VAV2: variants seen among roughly 807,000 people sequenced by gnomAD.
VAV2 encodes vav guanine nucleotide exchange factor 2.
In VAV2, 67 loss-of-function variants were observed where a neutral mutation model predicts 132.5. The ratio of observed to expected loss-of-function variants is 0.51; its 90% CI spans 0.42 to 0.62. The LOEUF is 0.62. Among genes scored for constraint, VAV2 ranks in the 20% least tolerant of loss-of-function variants. The pLI, the probability that VAV2 is intolerant of heterozygous loss-of-function variation, is 0.00. For missense variants in VAV2, 938 were observed against 1,153.6 expected, an observed-to-expected ratio of 0.81 and a Z score of 2.71; for synonymous variants, 492 against 443.5, an observed-to-expected ratio of 1.11 and a Z score of -1.37.
At chr9:133,791,274 C>T (rs1196164228) in intron 13 of VAV2, among the ~76,000 whole-genome samples, 1 of 152,126 alleles carries the variant, frequency 6.6e-6, no homozygotes, top group African/African-American at 2.4e-5. Flanking sequence ...CTGGGGAGCC[C>T]CAGGAGGTGG....
At chr9:133,985,724 A>G (rs1484703689) in intron 1 of VAV2, among the ~76,000 whole-genome samples, 2 of 152,228 alleles carry the variant, frequency 1.3e-5, no homozygotes, top group African/African-American at 4.8e-5. Context: ...CCAGCCAGAA[A>G]GTCAGGCACG....
intron 27 of VAV2, 22 bp downstream of exon 27, chr9:133,770,356 G>A (rs771417403): frequency 6.2e-7 from 1 of 1,613,418 alleles, no homozygotes; most frequent in East Asian, 2.2e-5. Context: ...GTGCTGGTGT[G>A]CCGGCTGGGC....
chr9:133,770,599 G>T, intron 26 of VAV2, 98 bp from the exon 27 acceptor site: 1 of 1,542,200 alleles, frequency 6.5e-7, no homozygotes, highest in Non-Finnish European at 8.8e-7. Context: ...TTCATGTGGG[G>T]GAGACTAGCT....
chr9:133,835,308 T>C (rs552349842), intron 3 of VAV2, among the ~76,000 whole-genome samples: 2 of 150,882 alleles, frequency 1.3e-5, no homozygotes, highest in Admixed American at 1.3e-4. Context: ...GCCCCGAGTC[T>C]ACAGGCCTCC....
intron 2 of VAV2, among the ~76,000 whole-genome samples, chr9:133,895,867 T>A (rs546436728): frequency 6.6e-6 from 1 of 152,110 alleles, no homozygotes; most frequent in South Asian, 2.1e-4. Context: ...GGCAAAAAAC[T>A]GTCTTGTAAG....
chr9:133,946,911 G>A (rs894902160), intron 1 of VAV2, among the ~76,000 whole-genome samples: 8 of 152,138 alleles, frequency 5.3e-5, no homozygotes, highest in East Asian at 1.9e-4. Context: ...AGCTGACGCC[G>A]TTTGCTCCCT....
In VAV2 at chr9:133,969,465, C is replaced by A. The variant is rs963781698; in HGVS notation, c.204+22610G>T. Reference sequence around the variant, plus strand: ...AAGTCCAGCAAACCTGGACACCAACCAGCATCAGCACCACTGAGACAAGAA... The same window carrying A: ...AAGTCCAGCAAACCTGGACACCAACAAGCATCAGCACCACTGAGACAAGAA... On this transcript the variant is annotated intron_variant, in intron 1 of 29. Transcript: ENST00000371850. This position sits in a 1 kb window ranked among gnomAD's most constrained non-coding sequence, Gnocchi z 5.1. Among the ~76,000 whole-genome samples, 2 of 152,206 alleles carry A rather than the reference C, an allele frequency of 1.3e-5. No homozygotes were observed. The highest frequency in any genetic ancestry group is 3.4e-3 in the Middle Eastern group (1 of 294).
rs531579533 is a variant in VAV2 at position 133,802,298 on chromosome 9, G to A, written c.836+3783C>T. Among the ~76,000 whole-genome samples the A allele has an allele frequency of 6.8e-6, 1 of 147,616 alleles. No individual in the cohort carries two copies. Among genetic ancestry groups the A allele is most frequent in the African/African-American group, 2.5e-5 (1 of 39,674 alleles). On this transcript the variant is annotated intron_variant, in intron 9 of 29. Coordinates refer to ENST00000371850, the MANE Select transcript of VAV2 (RefSeq NM_001134398.2). The surrounding 1 kb of genome is among the most constrained non-coding windows in gnomAD (Gnocchi z 5.8). ...TATGCACACACACACACATGCATGT[G>A]CACACAAACACACAAGCACGCGTGT...
At chr9:133,867,079 C>T (rs1564418838) in intron 2 of VAV2, among the ~76,000 whole-genome samples, 1 of 152,132 alleles carries the variant, frequency 6.6e-6, no homozygotes, top group South Asian at 2.1e-4. Context: ...GAGGACACGC[C>T]CCTGCAGGGG....
chr9:133,974,751 C>T (rs932620997), intron 1 of VAV2, among the ~76,000 whole-genome samples: 15 of 125,400 alleles, frequency 1.2e-4, no homozygotes, highest in East Asian at 4.8e-4. Context: ...CAGTGCGCCG[C>T]GGACAGATAG....
chr9:133,803,347 C>T lies in VAV2; in HGVS notation c.836+2734G>A, dbSNP rs192505756. Among the ~76,000 whole-genome samples the T allele has an allele frequency of 5.2e-3, 789 of 152,298 alleles. 8 individuals are homozygous for T. Among genetic ancestry groups the T allele is most frequent in the African/African-American group, 0.018 (741 of 41,572 alleles). On this transcript the variant is annotated intron_variant, in intron 9 of 29. Coordinates refer to ENST00000371850, the MANE Select transcript of VAV2 (RefSeq NM_001134398.2). ...TGCAGGGCTGCCAGCTCCCCGAGGT[C>T]GTTCCCTTTCTAGCTCTCCTGCCCC...
At chr9:133,772,444 C>T (rs1333316982) in intron 25 of VAV2, among the ~76,000 whole-genome samples, 1 of 152,200 alleles carries the variant, frequency 6.6e-6, no homozygotes, top group Non-Finnish European at 1.5e-5. Flanking sequence ...ACTTGGCCGG[C>T]CAGGCCTCGG....
intron 2 of VAV2, among the ~76,000 whole-genome samples, chr9:133,880,127 G>A (rs1052580738): frequency 3.3e-5 from 5 of 151,214 alleles, no homozygotes; most frequent in East Asian, 1.9e-4. Flanking sequence ...ACCCACCTGC[G>A]CCGTCTGCAG....
chr9:133,974,766 C>CACCCTGCACCCA (rs1214143151), intron 1 of VAV2, among the ~76,000 whole-genome samples: 14 of 57,874 alleles, frequency 2.4e-4, no homozygotes, highest in African/African-American at 8.6e-4. Context: ...AGATAGGTCA[C>CACCCTGCACCCA]GCCCTGCACC....
In VAV2 at chr9:133,896,195, C is replaced by T. The variant is rs566692113; in HGVS notation, c.322-34763G>A. 3.3e-5 allele frequency among the ~76,000 whole-genome samples: 5 copies of T among 152,342 alleles called. No homozygotes were observed. In the South Asian group the frequency reaches 1.0e-3, roughly 32 times the overall value. On this transcript the variant is annotated intron_variant, in intron 2 of 29. Coordinates refer to ENST00000371850, the MANE Select transcript of VAV2 (RefSeq NM_001134398.2). ...GTAGGTCGGGCGCAGTGGCTTACGC[C>T]TATAATCCCAGCACTTTGGGAGCGC...
Position 133,789,352 on chromosome 9 carries a change from A to G in VAV2, c.1189-9T>C, listed in dbSNP as rs780999713. On this transcript the variant is annotated splice_polypyrimidine_tract_variant and intron_variant, in intron 13 of 29. Transcript: ENST00000371850. ...TCCTCCAGTTTCACTTGCTGGGAAG[A>G]AGGAGAGGGGCCGTCAGCCGGGGCT... 5.0e-6 allele frequency: 8 copies of G among 1,602,536 alleles called. No homozygotes were observed. The highest frequency in any genetic ancestry group is 1.3e-5 in the African/African-American group (1 of 74,130).
At chr9:133,977,005 C>G (rs1011927370) in intron 1 of VAV2, among the ~76,000 whole-genome samples, 1 of 152,238 alleles carries the variant, frequency 6.6e-6, no homozygotes, top group Non-Finnish European at 1.5e-5. Flanking sequence ...GGGGGTGCCT[C>G]TCCTACAGCC....
intron 2 of VAV2, among the ~76,000 whole-genome samples, chr9:133,887,475 G>T (rs947681017): frequency 6.6e-6 from 1 of 152,080 alleles, no homozygotes; most frequent in Non-Finnish European, 1.5e-5. Flanking sequence ...CCAGGGCCAT[G>T]GTCGGATCCC....
chr9:133,796,631 C>T (rs1477118267), intron 10 of VAV2, 107 bp from the exon 11 acceptor site: 3 of 1,026,616 alleles, frequency 2.9e-6, no homozygotes, highest in African/African-American at 1.6e-5. Flanking sequence ...AGAACTCAGG[C>T]CCAGACGTTT....
Sources: allele counts gnomAD v4.1 joint callset (sites outside exome capture counted in the v4.1 genomes callset), GRCh38; gene constraint gnomAD v4.1.1; non-coding constraint Gnocchi (gnomAD v3.1); transcripts MANE v1.5; gene names NCBI Gene and HGNC (gene_info 2026-07-23, HGNC 2026-07-21).